Variants in CYP26B1 observed in about 807,000 individuals in gnomAD.
The protein encoded by CYP26B1 is cytochrome P450 family 26 subfamily B member 1, also known as cytochrome P450 26B1.
CYP26B1 carries 8 observed loss-of-function variants against 39.1 expected under a neutral mutation model. That is an observed-to-expected ratio of 0.20 (90% CI 0.12 to 0.37). The LOEUF is 0.37. Among genes scored for constraint, CYP26B1 ranks in the 10% least tolerant of loss-of-function variants. The probability of loss-of-function intolerance (pLI) is 1.00; values close to 1 mark genes in which losing one functional copy is unlikely to be tolerated. For synonymous variants in CYP26B1, 321 were observed against 314.3 expected (o/e 1.02, Z -0.23); for missense variants, 615 against 707.0 (o/e 0.87, Z 1.48).
chr2:72,136,236 C>G (rs1185929766), intron 2 of CYP26B1, among the ~76,000 whole-genome samples: 1 of 152,196 alleles, frequency 6.6e-6, no homozygotes, highest in African/African-American at 2.4e-5. Flanking sequence ...GGGGAGCACC[C>G]CTGCTACCAG....
chr2:72,143,950 G>A (rs1454772465), intron 2 of CYP26B1, 39 bp downstream of exon 2: 4 of 1,609,574 alleles, frequency 2.5e-6, no homozygotes, highest in African/African-American at 1.3e-5. Context: ...CCCGAGGTGG[G>A]GGAGGGATTG....
At position 72,132,188 on chromosome 2, in the gene CYP26B1, C is replaced by A; in HGVS notation, c.*39G>T. The stretch of plus-strand genomic sequence containing the variant: ...GGTTTCTACCTCCCACAACCACCAC[C>A]CCGCTGCCTGGGCTGGGCTGAGGCG... On this transcript the variant is annotated 3_prime_UTR_variant, in exon 6 of 6. Transcript: ENST00000001146. The A allele has an allele frequency of 6.3e-7, 1 of 1,578,596 alleles. No homozygotes were observed. Among genetic ancestry groups the A allele is most frequent in the Non-Finnish European group, 8.6e-7 (1 of 1,163,002 alleles).
chr2:72,143,973 CG>C lies in CYP26B1; in HGVS notation c.429+15del, dbSNP rs1309149423. On this transcript the variant is annotated intron_variant, in intron 2 of 5. Transcript: ENST00000001146. ...GGGGGAGGGATTGCGCGGAAGAAAA[CG>C]GGCAGAGTTCTTACCTTGCGCTTGT... 6.2e-7 allele frequency: 1 copy of C among 1,613,014 alleles called. No individual in the cohort carries two copies. Among genetic ancestry groups the C allele is most frequent in the African/African-American group, 1.3e-5 (1 of 75,054 alleles).
At position 72,134,874 on chromosome 2, in the gene CYP26B1, C is replaced by T; in HGVS notation, c.748G>A (p.Ala250Thr). 6.2e-7 allele frequency: 1 copy of T among 1,614,184 alleles called. No homozygotes were observed. ...RQILQKGLEK[A>T]IREKLQCTQG... The stretch of plus-strand genomic sequence containing the variant: ...GTGCACTGCAGCTTCTCCCGGATGG[C>T]CTTCTCCAGCCCCTTCTGCAGGATC... The change falls in exon 4 of 6, where the codon GCC becomes ACC. Residue 250 changes from alanine (A) to threonine (T), a missense_variant. Transcript: ENST00000001146.
At chr2:72,145,224 C>G (rs1306760702) in intron 1 of CYP26B1, among the ~76,000 whole-genome samples, 4 of 152,262 alleles carry the variant, frequency 2.6e-5, no homozygotes, top group African/African-American at 9.6e-5. Flanking sequence ...CTCAGTCCCC[C>G]TAGCCCGGGT....
intron 1 of CYP26B1, among the ~76,000 whole-genome samples, chr2:72,145,003 G>T (rs1209452680): frequency 6.6e-6 from 1 of 152,158 alleles, no homozygotes; most frequent in Non-Finnish European, 1.5e-5. Flanking sequence ...ACCGGAAACC[G>T]TGGAGACCTC....
intron 2 of CYP26B1, 78 bp from the exon 3 acceptor site, chr2:72,135,497 T>A: frequency 6.3e-7 from 1 of 1,577,194 alleles, no homozygotes; most frequent in Admixed American, 1.7e-5. Context: ...GCCTGAACAA[T>A]GAATGTGACT....
rs1676549195 is a variant in CYP26B1, at chr2:72,130,871, C to CA, written c.*1355dup. The CA allele has an allele frequency of 6.6e-6, 1 of 152,292 alleles. No individual in the cohort carries two copies. Among genetic ancestry groups the CA allele is most frequent in the Non-Finnish European group, 1.5e-5 (1 of 68,108 alleles). 9.4% of individuals were successfully genotyped at this position (152,292 alleles called of 1,614,324 possible). On this transcript the variant is annotated 3_prime_UTR_variant, in exon 6 of 6. Coordinates refer to ENST00000001146, the MANE Select transcript of CYP26B1 (RefSeq NM_019885.4). Reference sequence around the variant, plus strand: ...TGTCCGGAGACCACACAGGGCCCTGCAATCAGCTCCGAGGCAGAACTGCCG... The same window carrying CA: ...TGTCCGGAGACCACACAGGGCCCTGCAAATCAGCTCCGAGGCAGAACTGCCG...
intron 2 of CYP26B1, 90 bp downstream of exon 2, chr2:72,143,899 A>C: frequency 6.8e-7 from 1 of 1,474,420 alleles, no homozygotes; most frequent in Non-Finnish European, 9.3e-7. Flanking sequence ...GGGGGCACAG[A>C]TTCGGTAGGG....
At chr2:72,144,594 C>T in intron 1 of CYP26B1, 1 of 768,276 alleles carries the variant, frequency 1.3e-6, no homozygotes. Flanking sequence ...GGCTCCGGGC[C>T]ACGGGCTGGC....
At chr2:72,138,008 G>A (rs367853422) in intron 2 of CYP26B1, among the ~76,000 whole-genome samples, 1 of 152,316 alleles carries the variant, frequency 6.6e-6, no homozygotes, top group South Asian at 2.1e-4. Context: ...TTCATGAGAG[G>A]CCCGACTGGC....
rs1676601367 is a variant in CYP26B1, at chr2:72,132,178, C to T, written c.*49G>A. ...CCCACACACAGGTTTCTACCTCCCA[C>T]AACCACCACCCCGCTGCCTGGGCTG... On this transcript the variant is annotated 3_prime_UTR_variant, in exon 6 of 6. Coordinates refer to ENST00000001146, the MANE Select transcript of CYP26B1 (RefSeq NM_019885.4). 6.4e-6 allele frequency: 10 copies of T among 1,565,208 alleles called. No homozygotes were observed. In the East Asian group the frequency reaches 2.3e-4, roughly 37 times the overall value.
rs142396068 is a variant in CYP26B1, at chr2:72,133,218, A to G, written c.951T>C (p.Thr317=). The G allele has an allele frequency of 2.7e-4, 434 of 1,612,400 alleles. 1 individual carries two copies. Among genetic ancestry groups the G allele is most frequent in the Middle Eastern group, 2.5e-3 (15 of 6,038 alleles). The change falls in exon 5 of 6, where the codon ACT becomes ACC. Residue 317 remains threonine, a synonymous_variant. Transcript: ENST00000001146. Reference sequence around the variant, plus strand: ...GCTCATCCCGCAGCTTCTCCAGCACAGTGGGGTGCTTCAGCAGCTGCATGA... The same window carrying G: ...GCTCATCCCGCAGCTTCTCCAGCACGGTGGGGTGCTTCAGCAGCTGCATGA... The part of the protein sequence containing the change: ...SLIMQLLKHP[T]VLEKLRDELR...
rs1677153585 is a variant in CYP26B1 at position 72,147,478 on chromosome 2, A to C, written c.204+153T>G. Among the ~76,000 whole-genome samples, 2 of 152,152 alleles carry C rather than the reference A, an allele frequency of 1.3e-5. No individual in the cohort carries two copies. On this transcript the variant is annotated intron_variant, in intron 1 of 5. Transcript: ENST00000001146. The surrounding 1 kb of genome is among the most constrained non-coding windows in gnomAD (Gnocchi z 6.1). ...GAACCGCGCTGCCGGCGGGCTGGGG[A>C]AGCCCGGGCTGCTGCGGCAGAGAGG...
At position 72,147,595 on chromosome 2, in the gene CYP26B1, G is replaced by A. The variant is rs767809499; in HGVS notation, c.204+36C>T. ...CGTCTGCCCCGCGCTCGCAGCTAGC[G>A]GACCCCGGAGTGCAGCGGAGCGAGC... is the stretch of plus-strand genomic sequence containing the variant. On this transcript the variant is annotated intron_variant, in intron 1 of 5. Coordinates refer to ENST00000001146, the MANE Select transcript of CYP26B1 (RefSeq NM_019885.4). The surrounding 1 kb of genome is among the most constrained non-coding windows in gnomAD (Gnocchi z 6.1). The A allele has an allele frequency of 2.5e-6, 4 of 1,578,920 alleles. No homozygotes were observed. Among genetic ancestry groups the A allele is most frequent in the Admixed American group, 1.8e-5 (1 of 56,890 alleles).
At chr2:72,143,822 G>C (rs1279637716) in intron 2 of CYP26B1, among the ~76,000 whole-genome samples, 167 bp downstream of exon 2, 1 of 152,234 alleles carries the variant, frequency 6.6e-6, no homozygotes, top group Admixed American at 6.5e-5. Context: ...GCCGGAGCAG[G>C]CCCTGGATCC....
chr2:72,143,754 G>A (rs947963213), intron 2 of CYP26B1, among the ~76,000 whole-genome samples: 2 of 152,222 alleles, frequency 1.3e-5, no homozygotes, highest in Admixed American at 1.3e-4. Flanking sequence ...GCTCTTCCAA[G>A]CCACCGTTGG....
At position 72,134,829 on chromosome 2, in the gene CYP26B1, C is replaced by A. The variant is rs1375116681; in HGVS notation, c.793G>T (p.Asp265Tyr). Residue 265 changes from aspartate to tyrosine, a missense_variant, in exon 4 of 6, where the codon GAC becomes TAC. Coordinates refer to ENST00000001146, the MANE Select transcript of CYP26B1 (RefSeq NM_019885.4). ...CTCTCAATGAGGAGGTCCAGGGCGTCCAAGTAGTCCTTGCCCTGTGTGCAC... is the reference window on the plus strand; with the variant it reads ...CTCTCAATGAGGAGGTCCAGGGCGTACAAGTAGTCCTTGCCCTGTGTGCAC... ...LQCTQGKDYL[D>Y]ALDLLIESSK... 6.2e-7 allele frequency: 1 copy of A among 1,614,058 alleles called. No homozygotes were observed. Among genetic ancestry groups the A allele is most frequent in the Non-Finnish European group, 8.5e-7 (1 of 1,180,026 alleles).
chr2:72,137,625 G>C (rs1382813200), intron 2 of CYP26B1, among the ~76,000 whole-genome samples: 2 of 152,216 alleles, frequency 1.3e-5, no homozygotes, highest in Non-Finnish European at 2.9e-5. Flanking sequence ...GCCCTGCCCC[G>C]TGGGTTCCAT....
Sources: allele counts gnomAD v4.1 joint callset (sites outside exome capture counted in the v4.1 genomes callset), GRCh38; gene constraint gnomAD v4.1.1; non-coding constraint Gnocchi (gnomAD v3.1); transcripts MANE v1.5; gene names NCBI Gene and HGNC (gene_info 2026-07-23, HGNC 2026-07-21).